CFAP54: variants seen among roughly 807,000 people sequenced by gnomAD.
CFAP54 encodes the protein cilia and flagella associated protein 54.
Under a neutral mutation model 370.4 loss-of-function variants are expected in CFAP54, and 290 were observed. That is an observed-to-expected ratio of 0.78 (90% CI 0.71 to 0.86). CFAP54 has a LOEUF of 0.86. Ranked by LOEUF, CFAP54 falls within the 40% of genes least tolerant of loss-of-function variation. CFAP54 has a pLI of 0.00. For missense variants in CFAP54, 3,399 were observed against 3,528.7 expected (o/e 0.96, Z 0.93); for synonymous variants, 1,206 against 1,236.5 (o/e 0.98, Z 0.52).
chr12:96,539,078 G>GTT (rs749794928), intron 13 of CFAP54, among the ~76,000 whole-genome samples: 5 of 126,072 alleles, frequency 4.0e-5, no homozygotes, highest in African/African-American at 1.5e-4. Context: ...TTTTTTTTTT[G>GTT]TTTTTGTTTT....
At chr12:96,620,381 C>T (rs753110541) in intron 26 of CFAP54, among the ~76,000 whole-genome samples, 1 of 152,182 alleles carries the variant, frequency 6.6e-6, no homozygotes, top group Non-Finnish European at 1.5e-5. Context: ...ATAAGTCTCA[C>T]GATATCCGAC....
At chr12:96,807,323 G>C (rs1009918606) in intron 63 of CFAP54, among the ~76,000 whole-genome samples, 10 of 152,078 alleles carry the variant, frequency 6.6e-5, no homozygotes, top group African/African-American at 2.2e-4. Context: ...ATATAATTTA[G>C]CTGCTTACTA....
At chr12:96,793,146 C>T (rs1381401115) in intron 63 of CFAP54, among the ~76,000 whole-genome samples, 9 of 151,660 alleles carry the variant, frequency 5.9e-5, no homozygotes, top group African/African-American at 1.7e-4. Context: ...TTTGGTGCAC[C>T]CATCACCCAA....
At chr12:96,701,029 C>T (rs1325849543) in intron 46 of CFAP54, among the ~76,000 whole-genome samples, 3 of 152,142 alleles carry the variant, frequency 2.0e-5, no homozygotes, top group Non-Finnish European at 4.4e-5. Flanking sequence ...CTGCTTATTA[C>T]TCCATATGAC....
Position 96,657,866 on chromosome 12 carries a change from A to G in CFAP54, c.5101-16A>G. 6.8e-7 allele frequency: 1 copy of G among 1,480,488 alleles called. No individual in the cohort carries two copies. The highest frequency in any genetic ancestry group is 1.3e-5 in the South Asian group (1 of 76,726). The allele number at this position is 1,480,488 out of a possible 1,614,324, so 91.7% of individuals were successfully genotyped here. On this transcript the variant is annotated splice_polypyrimidine_tract_variant and intron_variant, in intron 36 of 67. Coordinates refer to ENST00000524981, the MANE Select transcript of CFAP54 (RefSeq NM_001306084.2). ...TCTGAAATTACACATTTTTTTTTTC[A>G]CTGTGCTACTTGCAGCCTATTGAAG...
At chr12:96,763,047 C>T (rs76516709) in intron 58 of CFAP54, among the ~76,000 whole-genome samples, 3,159 of 152,142 alleles carry the variant, frequency 0.021, 114 homozygotes, top group African/African-American at 0.071. Flanking sequence ...AAAATATGGG[C>T]ATCAAAGAAT....
At chr12:96,747,698 A>G (rs1475678066) in intron 55 of CFAP54, among the ~76,000 whole-genome samples, 3 of 152,176 alleles carry the variant, frequency 2.0e-5, no homozygotes, top group South Asian at 2.1e-4. Flanking sequence ...TGGCATTACT[A>G]TTTCTTAGTT....
intron 55 of CFAP54, among the ~76,000 whole-genome samples, chr12:96,752,162 C>T (rs1010302197): frequency 6.7e-6 from 1 of 148,772 alleles, no homozygotes; most frequent in Non-Finnish European, 1.5e-5. Context: ...CTGCCATTCA[C>T]ATAGCACATG....
At position 96,500,868 on chromosome 12, in the gene CFAP54, G is replaced by T. The variant is rs916419211; in HGVS notation, c.352G>T (p.Ala118Ser). 14 of 1,534,848 alleles carry T rather than the reference G, an allele frequency of 9.1e-6. No individual in the cohort carries two copies. The highest frequency in any genetic ancestry group is 3.9e-5 in the Admixed American group (2 of 50,898). The change falls in exon 2 of 68, where the codon GCC becomes TCC. Residue 118 changes from alanine (A) to serine (S), a missense_variant. Physicochemically the swap from Ala to Ser is moderately conservative, Grantham distance 99 (BLOSUM62 1). Coordinates refer to ENST00000524981, the MANE Select transcript of CFAP54 (RefSeq NM_001306084.2). ...TSLFNIWTKY[A>S]PRLPADYYNE... is the part of the protein sequence containing the mutation. The stretch of plus-strand genomic sequence containing the variant: ...TTTGTTTAATATCTGGACTAAATAC[G>T]CCCCCAGGCTGCCAGCAGACTATTA...
At chr12:96,583,923 A>G (rs1333204403) in intron 22 of CFAP54, among the ~76,000 whole-genome samples, 1 of 151,916 alleles carries the variant, frequency 6.6e-6, no homozygotes, top group Non-Finnish European at 1.5e-5. Flanking sequence ...CTCTTCCTCT[A>G]TCAATTTTCT....
intron 25 of CFAP54, among the ~76,000 whole-genome samples, chr12:96,594,674 G>A (rs956653120): frequency 2.0e-5 from 3 of 152,132 alleles, no homozygotes; most frequent in African/African-American, 7.2e-5. Context: ...CCCTGTTCCT[G>A]TCCATATTTA....
At chr12:96,540,768 G>A (rs1955561136) in intron 13 of CFAP54, 69 bp from the exon 14 acceptor site, 1 of 1,067,104 alleles carries the variant, frequency 9.4e-7, no homozygotes, top group South Asian at 2.9e-5. Flanking sequence ...TATAAGTTTT[G>A]AAAAATGTGA....
chr12:96,520,580 C>T (rs554859160), intron 6 of CFAP54, among the ~76,000 whole-genome samples: 194 of 144,262 alleles, frequency 1.3e-3, no homozygotes, highest in African/African-American at 4.5e-3. Flanking sequence ...CTGTAGAGTG[C>T]CCCTGTATCA....
intron 63 of CFAP54, among the ~76,000 whole-genome samples, chr12:96,795,363 G>T (rs1958750754): frequency 6.6e-6 from 1 of 152,116 alleles, no homozygotes; most frequent in African/African-American, 2.4e-5. Context: ...TATGTCCTTT[G>T]TCTTTGGCTA....
chr12:96,669,221 TAA>T (rs1426470928), intron 39 of CFAP54, among the ~76,000 whole-genome samples: 1 of 152,146 alleles, frequency 6.6e-6, no homozygotes, highest in Non-Finnish European at 1.5e-5. Flanking sequence ...AATTAGATAA[TAA>T]ACTCTCTTAG....
chr12:96,761,007 G>C (rs558986068), intron 58 of CFAP54, among the ~76,000 whole-genome samples: 2 of 152,224 alleles, frequency 1.3e-5, no homozygotes, highest in East Asian at 3.9e-4. Context: ...GGGTTATATG[G>C]CAACTCTATG....
chr12:96,621,052 C>A (rs1043270271), intron 26 of CFAP54, among the ~76,000 whole-genome samples: 1 of 152,206 alleles, frequency 6.6e-6, no homozygotes, highest in Non-Finnish European at 1.5e-5. Flanking sequence ...CCCCTTACGA[C>A]TACAGTGCAC....
intron 5 of CFAP54, among the ~76,000 whole-genome samples, chr12:96,514,674 A>G (rs1955210758): frequency 6.6e-6 from 1 of 152,244 alleles, no homozygotes; most frequent in South Asian, 2.1e-4. Context: ...GTGCTTGTTA[A>G]CACTGAGAGA....
Position 96,806,188 on chromosome 12 carries a change from AT to A in CFAP54, c.8851-5547del, listed in dbSNP as rs1565984872. Among the ~76,000 whole-genome samples, 761 of 89,812 alleles carry A rather than the reference AT, an allele frequency of 8.5e-3. 47 individuals are homozygous for A. The highest frequency in any genetic ancestry group is 0.026 in the African/African-American group (657 of 25,086). The allele number at this position is 89,812 out of a possible 152,430, so 58.9% of individuals were successfully genotyped here. A position where few individuals can be genotyped will look rare whatever the true frequency, so the allele number is the denominator to read the frequency against. The stretch of plus-strand genomic sequence containing the variant: ...TATATATATATATATATATATATAT[AT>A]ATATATATATATATATATATATATA... On this transcript the variant is annotated intron_variant, in intron 63 of 67. Coordinates refer to ENST00000524981, the MANE Select transcript of CFAP54 (RefSeq NM_001306084.2).
Sources: allele counts gnomAD v4.1 joint callset (sites outside exome capture counted in the v4.1 genomes callset), GRCh38; gene constraint gnomAD v4.1.1; transcripts MANE v1.5; gene names NCBI Gene and HGNC (gene_info 2026-07-23, HGNC 2026-07-21).